ARMC9: variants seen among roughly 807,000 people sequenced by gnomAD.
ARMC9 encodes lisH domain-containing protein ARMC9.
Under a neutral mutation model 107.0 loss-of-function variants are expected in ARMC9, and 94 were observed. That is an observed-to-expected ratio of 0.88 (90% CI 0.74 to 1.04). The LOEUF (loss-of-function observed/expected upper bound fraction) is 1.04. Among genes scored for constraint, ARMC9 ranks in the 50% least tolerant of loss-of-function variants. The pLI, the probability that ARMC9 is intolerant of heterozygous loss-of-function variation, is 0.00. For synonymous variants in ARMC9, 380 were observed against 396.9 expected, an observed-to-expected ratio of 0.96 and a Z score of 0.51; for missense variants, 942 against 1,030.1, an observed-to-expected ratio of 0.91 and a Z score of 1.17.
intron 22 of ARMC9, among the ~76,000 whole-genome samples, chr2:231,357,455 C>T (rs1214949207): frequency 3.9e-5 from 6 of 152,236 alleles, no homozygotes; most frequent in Non-Finnish European, 2.9e-5. Flanking sequence ...CACGGACCCA[C>T]GCAGCCCTGC....
chr2:231,207,514 C>T (rs542403572), intron 2 of ARMC9, among the ~76,000 whole-genome samples: 4 of 150,902 alleles, frequency 2.7e-5, no homozygotes, highest in East Asian at 1.9e-4. Context: ...CTCACTCTGT[C>T]GCCCAGGCAG....
rs146026618 is a variant in ARMC9, at chr2:231,246,290, A to C, written c.879+6249A>C. ...TACATGTCACTGGGATTTGGCATAC[A>C]GATGATCTCATCACCCAGGTAGTGA... is the stretch of plus-strand genomic sequence containing the variant. On this transcript the variant is annotated intron_variant, in intron 9 of 24. Transcript: ENST00000611582. Among the ~76,000 whole-genome samples the C allele has an allele frequency of 6.5e-3, 983 of 152,352 alleles. 3 individuals are homozygous for C. Among genetic ancestry groups the C allele is most frequent in the South Asian group, 0.015 (74 of 4,830 alleles).
chr2:231,261,126 A>C (rs2038302006), intron 11 of ARMC9, among the ~76,000 whole-genome samples: 1 of 151,914 alleles, frequency 6.6e-6, no homozygotes, highest in African/African-American at 2.4e-5. Flanking sequence ...TTGCACATCT[A>C]GCTTCTCTTT....
intron 19 of ARMC9, among the ~76,000 whole-genome samples, chr2:231,296,887 A>G (rs1317609731): frequency 1.3e-5 from 2 of 152,224 alleles, no homozygotes; most frequent in East Asian, 3.8e-4. Context: ...ACCTAGGAAG[A>G]AAAGACCTGT....
At chr2:231,282,570 C>G (rs919796715) in intron 17 of ARMC9, among the ~76,000 whole-genome samples, 3 of 152,156 alleles carry the variant, frequency 2.0e-5, no homozygotes, top group African/African-American at 7.2e-5. Context: ...GTTTCTAGAT[C>G]TAATCAGGAA....
intron 5 of ARMC9, among the ~76,000 whole-genome samples, chr2:231,217,534 C>G (rs952813499): frequency 3.3e-5 from 5 of 150,218 alleles, no homozygotes; most frequent in Non-Finnish European, 5.9e-5. Flanking sequence ...TGCCACTGCA[C>G]TCCATCCTGG....
intron 8 of ARMC9, among the ~76,000 whole-genome samples, chr2:231,239,618 GTT>G (rs1335057813): frequency 2.0e-5 from 3 of 152,310 alleles, no homozygotes; most frequent in African/African-American, 7.2e-5. Context: ...CAGTGACTTT[GTT>G]ACATGAATTT....
chr2:231,206,196 A>C lies in ARMC9; in HGVS notation c.-41-2A>C. The stretch of plus-strand genomic sequence containing the variant: ...CTGTTGTCTTGTATTTTTGCCTTCT[A>C]GAGATTTTTGCTGTGAGAATTAATT... On this transcript the variant is annotated splice_acceptor_variant, in intron 1 of 24. Coordinates refer to ENST00000611582, the MANE Select transcript of ARMC9 (RefSeq NM_001352754.2). LOFTEE classifies it low-confidence loss of function (5UTR_SPLICE). 1.1e-5 allele frequency: 17 copies of C among 1,568,394 alleles called. No individual in the cohort carries two copies. The highest frequency in any genetic ancestry group is 1.3e-5 in the Non-Finnish European group (15 of 1,139,348).
chr2:231,272,547 C>T (rs747486824), intron 13 of ARMC9, among the ~76,000 whole-genome samples: 3 of 147,236 alleles, frequency 2.0e-5, no homozygotes, highest in South Asian at 2.1e-4. Context: ...GATGGAGTCT[C>T]GCTCCGTCAT....
intron 9 of ARMC9, among the ~76,000 whole-genome samples, chr2:231,246,554 C>T (rs1411730838): frequency 6.6e-5 from 10 of 152,118 alleles, no homozygotes; most frequent in African/African-American, 1.4e-4. Flanking sequence ...TTTATGGTTT[C>T]GTAGTATTCC....
chr2:231,341,010 C>T (rs1237737357), intron 20 of ARMC9, among the ~76,000 whole-genome samples: 1 of 152,022 alleles, frequency 6.6e-6, no homozygotes, highest in Non-Finnish European at 1.5e-5. Flanking sequence ...CAAGACCAGC[C>T]TCAGCAACAA....
chr2:231,272,998 G>C lies in ARMC9; in HGVS notation c.1254G>C (p.Leu418=), dbSNP rs769759549. ...LAQNTKVLQM[L]EGRLKEEDKD... ...AGAACACAAAGGTGCTGCAGATGCT[G>C]GAGGGAAGGCTGAAGGAGGAGGACA... Residue 418 remains leucine, a synonymous_variant, in exon 14 of 25, where the codon CTG becomes CTC. Transcript: ENST00000611582. 2.5e-6 allele frequency: 4 copies of C among 1,613,816 alleles called. No individual in the cohort carries two copies. Among genetic ancestry groups the C allele is most frequent in the Non-Finnish European group, 2.5e-6 (3 of 1,179,872 alleles).
chr2:231,217,394 G>C (rs149525777), intron 5 of ARMC9, among the ~76,000 whole-genome samples: 2,325 of 152,198 alleles, frequency 0.015, 30 homozygotes, highest in Non-Finnish European at 0.024. Context: ...GACCAGCCTG[G>C]CCAACATGGG....
At chr2:231,230,087 C>T (rs779986486) in intron 7 of ARMC9, among the ~76,000 whole-genome samples, 2 of 152,002 alleles carry the variant, frequency 1.3e-5, no homozygotes, top group South Asian at 2.1e-4. Context: ...TGTCACTAGG[C>T]GTGGTGGCTC....
Position 231,214,988 on chromosome 2 carries a change from C to T in ARMC9, c.335C>T (p.Ser112Phe), listed in dbSNP as rs2033337581. ...TTTGCCATCTATCTTTTGAAGTACTCTGTGGGGAGACCGGTGGGTTTACCT... is the reference window on the plus strand; with the variant it reads ...TTTGCCATCTATCTTTTGAAGTACTTTGTGGGGAGACCGGTGGGTTTACCT... Reference protein sequence around the residue: ...IHFAIYLLKYSVGRPDKEELD... With the variant: ...IHFAIYLLKYFVGRPDKEELD... The change falls in exon 4 of 25, where the codon TCT becomes TTT. Residue 112 changes from serine (S) to phenylalanine (F), a missense_variant. Transcript: ENST00000611582. 2 of 1,614,026 alleles carry T rather than the reference C, an allele frequency of 1.2e-6. No individual in the cohort carries two copies. The highest frequency in any genetic ancestry group is 1.7e-6 in the Non-Finnish European group (2 of 1,180,006).
intron 18 of ARMC9, among the ~76,000 whole-genome samples, chr2:231,293,492 C>T: frequency 6.6e-6 from 1 of 152,174 alleles, no homozygotes; most frequent in East Asian, 1.9e-4. Context: ...TTCCTGGCAG[C>T]CAAGAAGCAG....
At chr2:231,321,698 AG>A (rs2043002532) in intron 19 of ARMC9, among the ~76,000 whole-genome samples, 1 of 151,854 alleles carries the variant, frequency 6.6e-6, no homozygotes, top group Admixed American at 6.6e-5. Flanking sequence ...TTGTGTCCTG[AG>A]CACACTCTTA....
chr2:231,314,298 C>T (rs934730658), intron 19 of ARMC9, among the ~76,000 whole-genome samples: 7 of 151,818 alleles, frequency 4.6e-5, no homozygotes, highest in Admixed American at 1.3e-4. Context: ...AGGCTGGTCT[C>T]GAACTCCCGA....
At chr2:231,256,450 A>G in intron 9 of ARMC9, 136 bp from the exon 10 acceptor site, 1 of 1,284,654 alleles carries the variant, frequency 7.8e-7, no homozygotes, top group Non-Finnish European at 1.1e-6. Context: ...TCAAGTTAAA[A>G]AAAAAAACCA....
Sources: allele counts gnomAD v4.1 joint callset (sites outside exome capture counted in the v4.1 genomes callset), GRCh38; gene constraint gnomAD v4.1.1; transcripts MANE v1.5; gene names NCBI Gene and HGNC (gene_info 2026-07-23, HGNC 2026-07-21).